Variants in TXLNG observed in about 807,000 individuals in gnomAD.
TXLNG encodes gamma-taxilin.
Under a neutral mutation model 38.8 loss-of-function variants are expected in TXLNG, and 5 were observed. That is an observed-to-expected ratio of 0.13 (90% confidence interval 0.07 to 0.27). The LOEUF (loss-of-function observed/expected upper bound fraction) is 0.27, where lower values mean the gene tolerates loss of function less well. Ranked by LOEUF, TXLNG falls within the 10% of genes least tolerant of loss-of-function variation. TXLNG has a pLI of 1.00. For synonymous variants in TXLNG, 182 were observed against 158.2 expected (o/e 1.15, Z -1.13); for missense variants, 393 against 398.2 (o/e 0.99, Z 0.11).
At chrX:16,829,139 A>G (rs928292624) in intron 4 of TXLNG, among the ~76,000 whole-genome samples, 1 of 111,665 alleles carries the variant, frequency 9.0e-6, no homozygotes, top group Non-Finnish European at 1.9e-5. Context: ...TAAGCTTTGA[A>G]TTTTTTGTTT....
chrX:16,799,662 T>C (rs1928013408), intron 1 of TXLNG, among the ~76,000 whole-genome samples: 1 of 109,845 alleles, frequency 9.1e-6, no homozygotes, highest in Non-Finnish European at 1.9e-5. Context: ...TCCCAGCTAC[T>C]CGGGAGGCTG....
At chrX:16,835,089 A>G (rs1455342738) in intron 7 of TXLNG, among the ~76,000 whole-genome samples, 1 of 109,428 alleles carries the variant, frequency 9.1e-6, no homozygotes, top group Non-Finnish European at 1.9e-5. Context: ...AAAAAAAAAA[A>G]AAGGTACAGG....
rs747396604 is a variant in TXLNG at position 16,821,886 on chromosome X, C to T, written c.498+1631C>T. Among the ~76,000 whole-genome samples, 493 of 108,499 alleles carry T rather than the reference C, an allele frequency of 4.5e-3. 4 individuals are homozygous for T. Among genetic ancestry groups the T allele is most frequent in the African/African-American group, 0.016 (469 of 29,705 alleles). 94.2% of individuals were successfully genotyped at this position (108,499 alleles called of 115,157 possible). A position where few individuals can be genotyped will look rare whatever the true frequency, so the allele number is the denominator to read the frequency against. Reference sequence around the variant, plus strand: ...GCAGGCGCCTGTAGTCCCAGCTACTCGGGAGGCTGAGGCAGGAGAATGGCA... The same window carrying T: ...GCAGGCGCCTGTAGTCCCAGCTACTTGGGAGGCTGAGGCAGGAGAATGGCA... On this transcript the variant is annotated intron_variant, in intron 3 of 9. Coordinates refer to ENST00000380122, the MANE Select transcript of TXLNG (RefSeq NM_018360.3).
chrX:16,813,177 T>C (rs1928599361), intron 1 of TXLNG, among the ~76,000 whole-genome samples: 1 of 111,425 alleles, frequency 9.0e-6, no homozygotes, highest in Non-Finnish European at 1.9e-5. Flanking sequence ...AAATGGCCAA[T>C]AGGCACGTGA....
At chrX:16,825,637 C>T (rs1469455927) in intron 3 of TXLNG, among the ~76,000 whole-genome samples, 3 of 111,976 alleles carry the variant, frequency 2.7e-5, no homozygotes, top group African/African-American at 9.7e-5. Context: ...TTTTTAGAGA[C>T]AGGTTCTCAC....
In TXLNG at chrX:16,841,752, G is replaced by C. The variant is rs781455729; in HGVS notation, c.1573G>C (p.Glu525Gln). The change falls in exon 10 of 10, where the codon GAG (glutamate) becomes CAG (glutamine). Residue 525 changes from glutamate to glutamine, a missense_variant. Physicochemically the swap from Glu to Gln is conservative, Grantham distance 29. Transcript: ENST00000380122. ...GTCCACAGGCTCTGCTCCGGCCATC[G>C]AGTCGGTTGACTAAGATGAGGTGTG... ...PPSTGSAPAIESVD is the reference protein window; with the variant it reads ...PPSTGSAPAIQSVD 9.9e-6 allele frequency: 12 copies of C among 1,207,743 alleles called. No individual in the cohort carries two copies. In the African/African-American group the frequency reaches 1.9e-4, roughly 19 times the overall value.
At chrX:16,821,249 T>A (rs1928944290) in intron 3 of TXLNG, among the ~76,000 whole-genome samples, 1 of 105,254 alleles carries the variant, frequency 9.5e-6, no homozygotes, top group Non-Finnish European at 1.9e-5. Flanking sequence ...CAAGCTATTC[T>A]CCTGCCTCAG....
At chrX:16,799,210 A>G (rs977929314) in intron 1 of TXLNG, among the ~76,000 whole-genome samples, 1 of 111,051 alleles carries the variant, frequency 9.0e-6, no homozygotes, top group Non-Finnish European at 1.9e-5. Flanking sequence ...ATAATATTCT[A>G]CCTTATATAT....
Position 16,820,447 on chromosome X carries a change from T to C in TXLNG, c.498+192T>C, listed in dbSNP as rs1205151373. The stretch of plus-strand genomic sequence containing the variant: ...TATAGTTTCATTTTATGAGGTAATA[T>C]ATAGGGAACATTGTAATACTAAGAT... On this transcript the variant is annotated intron_variant, in intron 3 of 9. Coordinates refer to ENST00000380122, the MANE Select transcript of TXLNG (RefSeq NM_018360.3). Among the ~76,000 whole-genome samples the C allele has an allele frequency of 3.6e-5, 4 of 111,986 alleles. No individual in the cohort carries two copies. The South Asian group carries it at 1.1e-3, about 31-fold the overall frequency.
Position 16,786,559 on chromosome X carries a change from G to C in TXLNG, c.72G>C (p.Arg24=). 4.6e-6 allele frequency: 5 copies of C among 1,080,609 alleles called. No individual in the cohort carries two copies. The highest frequency in any genetic ancestry group is 6.0e-6 in the Non-Finnish European group (5 of 836,251). The allele number at this position is 1,080,609 out of a possible 1,213,427, so 89.1% of individuals were successfully genotyped here. A position where few individuals can be genotyped will look rare whatever the true frequency, so the allele number is the denominator to read the frequency against. The stretch of plus-strand genomic sequence containing the variant: ...CCGAAGAGGCGACTGAGGCCGGACG[G>C]GGCGGACGGCGACGCAGCCCGCGGC... ...GGAEEATEAG[R]GGRRRSPRQK... is the part of the protein sequence containing the mutation. The change falls in exon 1 of 10, where the codon CGG becomes CGC. Residue 24 remains arginine, a synonymous_variant. Transcript: ENST00000380122.
At chrX:16,790,799 C>T (rs1237836213) in intron 1 of TXLNG, among the ~76,000 whole-genome samples, 2 of 111,849 alleles carry the variant, frequency 1.8e-5, no homozygotes, top group Non-Finnish European at 3.8e-5. Flanking sequence ...CCCTCATTTG[C>T]TGATGACAAG....
chrX:16,797,819 C>T (rs1280525513), intron 1 of TXLNG, among the ~76,000 whole-genome samples: 3 of 112,587 alleles, frequency 2.7e-5, no homozygotes, highest in Non-Finnish European at 5.6e-5. Flanking sequence ...CAGAAGCTGC[C>T]ATACATGTTA....
Position 16,843,880 on chromosome X carries a change from T to A in TXLNG, c.*2114T>A, listed in dbSNP as rs186658379. On this transcript the variant is annotated 3_prime_UTR_variant, in exon 10 of 10. Transcript: ENST00000380122. ...TGTCCTTTCAGAACCCTTCCTCCCA[T>A]TACCCTGTGAATAAAAACAAATGGG... 8.9e-6 allele frequency: 1 copy of A among 111,737 alleles called. No homozygotes were observed. Among genetic ancestry groups the A allele is most frequent in the East Asian group, 2.8e-4 (1 of 3,573 alleles). The allele number at this position is 111,737 out of a possible 1,213,427, so 9.2% of individuals were successfully genotyped here. A position where few individuals can be genotyped will look rare whatever the true frequency, so the allele number is the denominator to read the frequency against.
chrX:16,829,752 G>T lies in TXLNG; in HGVS notation c.846G>T (p.Gln282His). Residue 282 changes from glutamine (Q) to histidine (H), a missense_variant, in exon 5 of 10, where the codon CAG becomes CAT. By Grantham distance (24) the Gln-to-His change is conservative. Transcript: ENST00000380122. ...AGAAGCTAAAGAAGCTCATCGAACA[G>T]TACGCACTGAGGGAAGAGGTAATGG... ...LGEKLKKLIE[Q>H]YALREEHIDK... 8.3e-7 allele frequency: 1 copy of T among 1,209,643 alleles called. No individual in the cohort carries two copies. The highest frequency in any genetic ancestry group is 1.1e-6 in the Non-Finnish European group (1 of 894,451).
At chrX:16,791,577 T>C (rs1180297044) in intron 1 of TXLNG, among the ~76,000 whole-genome samples, 4 of 112,242 alleles carry the variant, frequency 3.6e-5, no homozygotes, top group Non-Finnish European at 7.5e-5. Flanking sequence ...GTTTTATTTA[T>C]TTATTTTTAA....
chrX:16,795,291 A>G (rs754286557), intron 1 of TXLNG, among the ~76,000 whole-genome samples: 2 of 112,090 alleles, frequency 1.8e-5, no homozygotes, highest in South Asian at 3.7e-4. Flanking sequence ...AAAAATAAAA[A>G]TAATAATTTA....
chrX:16,792,330 A>G (rs1158834416), intron 1 of TXLNG, among the ~76,000 whole-genome samples: 1 of 111,949 alleles, frequency 8.9e-6, no homozygotes, highest in Non-Finnish European at 1.9e-5. Context: ...TCTAATGCCC[A>G]GGAAGTTTCT....
rs1181008958 is a variant in TXLNG at position 16,786,492 on chromosome X, C to G, written c.5C>G (p.Ala2Gly). The G allele has an allele frequency of 9.0e-7, 1 of 1,115,458 alleles. No homozygotes were observed. The highest frequency in any genetic ancestry group is 1.2e-6 in the Non-Finnish European group (1 of 850,132). 91.9% of individuals were successfully genotyped at this position (1,115,458 alleles called of 1,213,427 possible). A position where few individuals can be genotyped will look rare whatever the true frequency, so the allele number is the denominator to read the frequency against. M[A>G]TRVEEAARGR... ...TTTGGCTGCTGCCGTCACCTCATGG[C>G]GACGCGGGTAGAGGAGGCAGCGCGG... The change falls in exon 1 of 10, where the codon GCG becomes GGG. Residue 2 changes from alanine to glycine, a missense_variant. Coordinates refer to ENST00000380122, the MANE Select transcript of TXLNG (RefSeq NM_018360.3).
chrX:16,797,996 A>G (rs966958589), intron 1 of TXLNG, among the ~76,000 whole-genome samples: 5 of 112,565 alleles, frequency 4.4e-5, no homozygotes, highest in Non-Finnish European at 9.4e-5. Context: ...GCCTAAGTAT[A>G]TGAAGAGAAT....
Sources: allele counts gnomAD v4.1 joint callset (sites outside exome capture counted in the v4.1 genomes callset), GRCh38; gene constraint gnomAD v4.1.1; transcripts MANE v1.5; gene names NCBI Gene and HGNC (gene_info 2026-07-23, HGNC 2026-07-21).